Variants in ADGRV1 observed in about 807,000 individuals in gnomAD.
ADGRV1 encodes G-protein coupled receptor 98.
In ADGRV1, 359 loss-of-function variants were observed where a neutral mutation model predicts 596.2. The ratio of observed to expected loss-of-function variants is 0.60; its 90% CI spans 0.55 to 0.66. The LOEUF (loss-of-function observed/expected upper bound fraction) is 0.66, where lower values mean the gene tolerates loss of function less well. Ranked by LOEUF, ADGRV1 falls within the 30% of genes least tolerant of loss-of-function variation. The pLI, the probability that ADGRV1 is intolerant of heterozygous loss-of-function variation, is 0.00. For synonymous variants in ADGRV1, 2,681 were observed against 2,679.2 expected (o/e 1.00, Z -0.02); for missense variants, 7,274 against 7,575.6 (o/e 0.96, Z 1.48).
At position 91,163,810 on chromosome 5, in the gene ADGRV1, A is replaced by G. The variant is rs549421635; in HGVS notation, c.18831A>G (p.Glu6277=). Residue 6277 remains glutamate (E), a synonymous_variant, in exon 90 of 90, where the codon GAA becomes GAG. Coordinates refer to ENST00000405460, the MANE Select transcript of ADGRV1 (RefSeq NM_032119.4). Reference sequence around the variant, plus strand: ...CTGGTCTCAGTGTCAGTGATAATGAATCTGGTCAAGGCAGCCAGGAGGGGG... The same window carrying G: ...CTGGTCTCAGTGTCAGTGATAATGAGTCTGGTCAAGGCAGCCAGGAGGGGG... ...TGAGLSVSDN[E]SGQGSQEGGT... The G allele has an allele frequency of 9.5e-5, 151 of 1,591,536 alleles. 2 individuals are homozygous for G. The South Asian group carries it at 1.4e-3, about 15-fold the overall frequency.
At position 91,153,213 on chromosome 5, in the gene ADGRV1, C is replaced by A; in HGVS notation, c.18625-8C>A. The A allele has an allele frequency of 6.3e-7, 1 of 1,597,410 alleles. No homozygotes were observed. Among genetic ancestry groups the A allele is most frequent in the Non-Finnish European group, 8.5e-7 (1 of 1,171,450 alleles). ...GGTTTCTTTTTCCCCCCATCCCAATCTAAAAAGGTGCCACCTGACTGGGAG... is the reference window on the plus strand; with the variant it reads ...GGTTTCTTTTTCCCCCCATCCCAATATAAAAAGGTGCCACCTGACTGGGAG... On this transcript the variant is annotated splice_polypyrimidine_tract_variant and splice_region_variant and intron_variant, in intron 88 of 89. Coordinates refer to ENST00000405460, the MANE Select transcript of ADGRV1 (RefSeq NM_032119.4).
chr5:90,904,387 T>C (rs1174540828), intron 83 of ADGRV1, among the ~76,000 whole-genome samples: 2 of 152,192 alleles, frequency 1.3e-5, no homozygotes, highest in South Asian at 2.1e-4. Flanking sequence ...CAACAATGTC[T>C]GAGGGTTTCC....
At chr5:91,155,293 G>A (rs1324741859) in intron 89 of ADGRV1, among the ~76,000 whole-genome samples, 1 of 152,204 alleles carries the variant, frequency 6.6e-6, no homozygotes, top group Admixed American at 6.5e-5. Context: ...GGAGGAAAGG[G>A]CATTAGGGAC....
At chr5:90,700,606 T>C (rs554749781) in intron 34 of ADGRV1, among the ~76,000 whole-genome samples, 4 of 152,136 alleles carry the variant, frequency 2.6e-5, no homozygotes, top group Non-Finnish European at 5.9e-5. Flanking sequence ...AGCAGCATAA[T>C]CATCATGTCA....
chr5:90,583,806 C>T (rs984046000), intron 1 of ADGRV1, among the ~76,000 whole-genome samples: 3 of 150,946 alleles, frequency 2.0e-5, no homozygotes, highest in Admixed American at 2.0e-4. Context: ...CTGTGCTGCC[C>T]ATAAGAGACT....
chr5:90,890,974 T>G (rs1363944916), intron 83 of ADGRV1, among the ~76,000 whole-genome samples: 1 of 151,958 alleles, frequency 6.6e-6, no homozygotes, highest in African/African-American at 2.4e-5. Context: ...CAAAACAAAA[T>G]GTATGACAGT....
chr5:90,837,426 A>G (rs1228144060), intron 77 of ADGRV1, among the ~76,000 whole-genome samples: 1 of 146,716 alleles, frequency 6.8e-6, no homozygotes, highest in African/African-American at 2.5e-5. Context: ...GCTGGAGTGC[A>G]ATGGTGCGAT....
chr5:90,998,481 A>G (rs1562066936), intron 85 of ADGRV1, among the ~76,000 whole-genome samples: 1 of 152,144 alleles, frequency 6.6e-6, no homozygotes, highest in African/African-American at 2.4e-5. Flanking sequence ...TCAGTATGTA[A>G]TACCCATTAC....
rs200943280 is a variant in ADGRV1 at position 90,763,392 on chromosome 5, G to A, written c.12208G>A (p.Val4070Ile). Residue 4070 changes from valine (V) to isoleucine (I), a missense_variant, in exon 59 of 90, where the codon GTC becomes ATC. By Grantham distance (29) the Val-to-Ile change is conservative. Around this residue, in one of 5 missense-constraint regions of ADGRV1, gnomAD observed 3,643 missense variants for 3,809.2 expected, o/e 0.96. Coordinates refer to ENST00000405460, the MANE Select transcript of ADGRV1 (RefSeq NM_032119.4). ...CCGGTCCCCAGGAGGAAAAGGAACCGTCCGACTTGAGTGGACCATAGATGA... is the reference window on the plus strand; with the variant it reads ...CCGGTCCCCAGGAGGAAAAGGAACCATCCGACTTGAGTGGACCATAGATGA... ...VVRSPGGKGT[V>I]RLEWTIDEKA... 62 of 1,613,440 alleles carry A rather than the reference G, an allele frequency of 3.8e-5. No homozygotes were observed. Among genetic ancestry groups the A allele is most frequent in the Admixed American group, 3.0e-4 (18 of 60,022 alleles).
At chr5:90,819,762 T>G (rs1004682239) in intron 75 of ADGRV1, among the ~76,000 whole-genome samples, 2 of 152,172 alleles carry the variant, frequency 1.3e-5, no homozygotes, top group African/African-American at 4.8e-5. Flanking sequence ...CCAGTTTGAT[T>G]GCACTGTGGT....
At chr5:90,765,016 C>A (rs1332314450) in intron 59 of ADGRV1, among the ~76,000 whole-genome samples, 2 of 152,032 alleles carry the variant, frequency 1.3e-5, no homozygotes, top group South Asian at 2.1e-4. Flanking sequence ...GAGAAGCACT[C>A]CCACCTACTT....
At chr5:90,635,066 T>G (rs777378793) in intron 9 of ADGRV1, 48 bp from the exon 10 acceptor site, 1 of 1,293,126 alleles carries the variant, frequency 7.7e-7, no homozygotes, top group Admixed American at 2.1e-5. Flanking sequence ...TTTAAAAAAT[T>G]TATATTCTAT....
chr5:90,679,481 G>C, intron 25 of ADGRV1, 68 bp from the exon 26 acceptor site: 1 of 1,074,170 alleles, frequency 9.3e-7, no homozygotes. Context: ...TATGTTTTAA[G>C]ACCTCTCAAT....
At chr5:90,791,567 A>T (rs2150136886) in intron 70 of ADGRV1, 2 of 524,848 alleles carry the variant, frequency 3.8e-6, no homozygotes, top group African/African-American at 1.9e-5. Flanking sequence ...GTAGAAAGTA[A>T]CAGACACTTA....
In ADGRV1 at chr5:90,927,544, C is replaced by G. The variant is rs369485769; in HGVS notation, c.17857-37871C>G. ...TATATGTGTCTCTGCACGTGAGATGCGTTTCCTGAATACAGCACACTGATG... is the reference window on the plus strand; with the variant it reads ...TATATGTGTCTCTGCACGTGAGATGGGTTTCCTGAATACAGCACACTGATG... On this transcript the variant is annotated intron_variant, in intron 83 of 89. Coordinates refer to ENST00000405460, the MANE Select transcript of ADGRV1 (RefSeq NM_032119.4). Among the ~76,000 whole-genome samples the G allele has an allele frequency of 1.8e-4, 27 of 152,238 alleles. 1 individual carries two copies. Among genetic ancestry groups the G allele is most frequent in the South Asian group, 6.2e-4 (3 of 4,824 alleles).
rs555784564 is a variant in ADGRV1, at chr5:90,842,204, C to T, written c.17019+1219C>T. The stretch of plus-strand genomic sequence containing the variant: ...AACCAAGTTATTATTGGTTAAGAAT[C>T]AACACTTATTTCAGTAGAGTTGTCA... On this transcript the variant is annotated intron_variant, in intron 78 of 89. Transcript: ENST00000405460. 5.3e-5 allele frequency among the ~76,000 whole-genome samples: 8 copies of T among 152,214 alleles called. No individual in the cohort carries two copies. In the South Asian group the frequency reaches 1.7e-3, roughly 32 times the overall value.
At chr5:90,631,839 G>A (rs1280801194) in intron 9 of ADGRV1, among the ~76,000 whole-genome samples, 1 of 152,078 alleles carries the variant, frequency 6.6e-6, no homozygotes, top group African/African-American at 2.4e-5. Context: ...CACATTTAGA[G>A]CTATATTTAG....
rs550047994 is a variant in ADGRV1, at chr5:90,751,001, G to T, written c.11121+304G>T. 2.0e-5 allele frequency among the ~76,000 whole-genome samples: 3 copies of T among 152,246 alleles called. No homozygotes were observed. In the South Asian group the frequency reaches 6.2e-4, roughly 32 times the overall value. On this transcript the variant is annotated intron_variant, in intron 53 of 89. Coordinates refer to ENST00000405460, the MANE Select transcript of ADGRV1 (RefSeq NM_032119.4). Reference sequence around the variant, plus strand: ...TAGAAAGATAAAATTAACCAAATAGGATCAAAATGTGGTTTCCAGGTTTAG... The same window carrying T: ...TAGAAAGATAAAATTAACCAAATAGTATCAAAATGTGGTTTCCAGGTTTAG...
intron 87 of ADGRV1, among the ~76,000 whole-genome samples, chr5:91,146,850 A>T (rs1795572423): frequency 6.6e-6 from 1 of 152,198 alleles, no homozygotes. Flanking sequence ...TTTCAGCATC[A>T]CTTAAGTTTT....
Sources: allele counts gnomAD v4.1 joint callset (sites outside exome capture counted in the v4.1 genomes callset), GRCh38; gene constraint gnomAD v4.1.1; regional missense constraint gnomAD v4.1.1; transcripts MANE v1.5; gene names NCBI Gene and HGNC (gene_info 2026-07-23, HGNC 2026-07-21).